TUSC3: variants seen among roughly 807,000 people sequenced by gnomAD.
The protein encoded by TUSC3 is tumor suppressor candidate 3.
Under a neutral mutation model 44.8 loss-of-function variants are expected in TUSC3, and 45 were observed. The observed-to-expected ratio is 1.00, with a 90% CI of 0.79 to 1.29. The LOEUF (loss-of-function observed/expected upper bound fraction) is 1.29, where lower values mean the gene tolerates loss of function less well. Ranked by LOEUF, TUSC3 falls within the 50% of genes most tolerant of loss-of-function variation. The probability of loss-of-function intolerance (pLI) is 0.00; values close to 1 mark genes in which losing one functional copy is unlikely to be tolerated. For missense variants in TUSC3, 519 were observed against 437.9 expected, an observed-to-expected ratio of 1.19 and a Z score of -1.65; for synonymous variants, 212 against 152.9, an observed-to-expected ratio of 1.39 and a Z score of -2.85.
intron 6 of TUSC3, among the ~76,000 whole-genome samples, chr8:15,720,190 G>GTATATA (rs146671801): frequency 2.2e-5 from 3 of 134,990 alleles, no homozygotes; most frequent in African/African-American, 8.3e-5. Context: ...TAAATATAGT[G>GTATATA]TATATATATA....
At chr8:15,841,617 G>A in the TUSC3 span, among the ~76,000 whole-genome samples, 4 of 151,868 alleles carry the variant, frequency 2.6e-5, 1 homozygote, top group South Asian at 2.1e-4. Flanking sequence ...GGGTTCAAGC[G>A]ATTCTCCTAC....
intron 2 of TUSC3, among the ~76,000 whole-genome samples, chr8:15,638,951 G>T (rs1480774080): frequency 1.3e-5 from 2 of 150,970 alleles, no homozygotes; most frequent in Admixed American, 1.3e-4. Context: ...CAGAGCTTCA[G>T]TGATGATGAT....
intron 1 of TUSC3, among the ~76,000 whole-genome samples, chr8:15,444,890 G>C (rs1800071977): frequency 6.6e-6 from 1 of 152,144 alleles, no homozygotes; most frequent in Non-Finnish European, 1.5e-5. Context: ...AAATGTCAAA[G>C]TCCCGGCAAA....
intron 1 of TUSC3, among the ~76,000 whole-genome samples, chr8:15,552,607 G>C (rs1802097633): frequency 1.3e-5 from 2 of 151,698 alleles, no homozygotes; most frequent in African/African-American, 4.8e-5. Flanking sequence ...AGCAAATTCA[G>C]AGAACTCAAA....
chr8:15,503,655 G>A (rs573522308), intron 2 of TUSC3, among the ~76,000 whole-genome samples: 9 of 152,024 alleles, frequency 5.9e-5, no homozygotes, highest in Non-Finnish European at 8.8e-5. Context: ...AGTAAGCTAC[G>A]TTCGTACCAC....
chr8:15,552,804 T>C (rs947532595), intron 1 of TUSC3, among the ~76,000 whole-genome samples: 2 of 151,698 alleles, frequency 1.3e-5, no homozygotes, highest in African/African-American at 4.8e-5. Flanking sequence ...GTGAGGTTTA[T>C]ATTTAGAAGG....
At chr8:15,505,572 A>G (rs923226576) in intron 2 of TUSC3, among the ~76,000 whole-genome samples, 1 of 152,122 alleles carries the variant, frequency 6.6e-6, no homozygotes, top group African/African-American at 2.4e-5. Context: ...TTACTACAGT[A>G]TGTCCCAAGC....
chr8:15,842,777 A>G, the TUSC3 span, among the ~76,000 whole-genome samples: 1 of 152,308 alleles, frequency 6.6e-6, no homozygotes, highest in Admixed American at 6.5e-5. Context: ...CAATTCTTTG[A>G]AACATGAACA....
intron 6 of TUSC3, among the ~76,000 whole-genome samples, chr8:15,729,795 A>C (rs766821206): frequency 5.3e-5 from 8 of 152,048 alleles, no homozygotes; most frequent in African/African-American, 1.9e-4. Context: ...TCATTTGTAC[A>C]TCAAATTCCG....
chr8:15,473,218 G>C (rs957781025), intron 1 of TUSC3, among the ~76,000 whole-genome samples: 3 of 152,170 alleles, frequency 2.0e-5, no homozygotes, highest in Non-Finnish European at 4.4e-5. Flanking sequence ...TTTGGAAGAT[G>C]TGGTATTTGC....
At chr8:15,709,761 G>A (rs145368743) in intron 6 of TUSC3, among the ~76,000 whole-genome samples, 308 of 151,966 alleles carry the variant, frequency 2.0e-3, no homozygotes, top group African/African-American at 6.3e-3. Context: ...GCTTAGAGAG[G>A]TTAAGTAGCT....
chr8:15,828,959 GT>G, the TUSC3 span, among the ~76,000 whole-genome samples: 1 of 152,088 alleles, frequency 6.6e-6, no homozygotes, highest in African/African-American at 2.4e-5. Context: ...ACTTTCCTCT[GT>G]TGACAAAAAA....
chr8:15,644,248 T>C (rs897726677), intron 2 of TUSC3, among the ~76,000 whole-genome samples: 2 of 152,230 alleles, frequency 1.3e-5, no homozygotes, highest in Non-Finnish European at 2.9e-5. Flanking sequence ...CCTGCAGTTA[T>C]TGCCTAAGCC....
At chr8:15,794,001 AAG>A in the TUSC3 span, among the ~76,000 whole-genome samples, 1,136 of 152,286 alleles carry the variant, frequency 7.5e-3, 13 homozygotes, top group African/African-American at 0.026. Context: ...CTAAAGAAGA[AAG>A]AGTCAGATGA....
At chr8:15,749,977 T>A (rs536921150) in intron 9 of TUSC3, among the ~76,000 whole-genome samples, 1 of 148,450 alleles carries the variant, frequency 6.7e-6, no homozygotes, top group East Asian at 2.0e-4. Context: ...TAAGTGATAC[T>A]GTGAGATTTT....
intron 2 of TUSC3, among the ~76,000 whole-genome samples, chr8:15,525,959 T>G (rs761035651): frequency 6.6e-6 from 1 of 152,112 alleles, no homozygotes; most frequent in Non-Finnish European, 1.5e-5. Context: ...TTAATTATTT[T>G]GGCTGTAGGG....
In TUSC3 at chr8:15,752,091, T is replaced by C. The variant is rs190692508; in HGVS notation, c.1028+3626T>C. 2.6e-5 allele frequency among the ~76,000 whole-genome samples: 4 copies of C among 152,068 alleles called. No homozygotes were observed. The East Asian group carries it at 7.7e-4, about 29-fold the overall frequency. On this transcript the variant is annotated intron_variant, in intron 9 of 10. Coordinates refer to ENST00000503731, the MANE Select transcript of TUSC3 (RefSeq NM_006765.4). ...ACAATATAAAGTGTCACAAGCTAAG[T>C]GGCTGGCAGATCTGTTGTATGGAAA...
intron 1 of TUSC3, among the ~76,000 whole-genome samples, chr8:15,479,885 C>T (rs1402157058): frequency 1.3e-5 from 2 of 152,102 alleles, no homozygotes; most frequent in East Asian, 3.9e-4. Context: ...ATGATATGGT[C>T]CTATATGTGG....
chr8:15,758,863 T>C (rs1812047376), intron 10 of TUSC3, among the ~76,000 whole-genome samples: 1 of 152,094 alleles, frequency 6.6e-6, no homozygotes, highest in Non-Finnish European at 1.5e-5. Flanking sequence ...AAATGACAGA[T>C]CTAAAAAGCT....
Sources: gnomAD v4.1 joint callset for allele counts (sites outside exome capture counted in the v4.1 genomes callset) on GRCh38, gnomAD v4.1.1 for gene constraint, MANE v1.5 for transcripts, NCBI Gene and HGNC (gene_info 2026-07-23, HGNC 2026-07-21) for gene names.